Variants in GNS observed in about 807,000 individuals in gnomAD.
The protein encoded by GNS is N-acetylglucosamine-6-sulfatase.
GNS carries 40 observed loss-of-function variants against 69.7 expected under a neutral mutation model. That is an observed-to-expected ratio of 0.57 (90% CI 0.45 to 0.75). GNS has a LOEUF of 0.75. GNS is among the 30% of genes least tolerant of loss of function. The pLI, the probability that GNS is intolerant of heterozygous loss-of-function variation, is 0.00. For missense variants in GNS, 565 were observed against 685.5 expected (o/e 0.82, Z 1.96); for synonymous variants, 243 against 251.6 (o/e 0.97, Z 0.32).
At chr12:64,723,200 G>A (rs958235094) in intron 10 of GNS, 87 bp from the exon 11 acceptor site, 3 of 822,784 alleles carry the variant, frequency 3.6e-6, no homozygotes, top group South Asian at 1.4e-5. Context: ...GGGGACCTGG[G>A]AGTCAAAAGT....
At chr12:64,759,054 T>C (rs1484581430) in intron 1 of GNS, 31 bp downstream of exon 1, 5 of 1,523,302 alleles carry the variant, frequency 3.3e-6, no homozygotes, top group Non-Finnish European at 4.5e-6. Flanking sequence ...GCCCAAGAGA[T>C]AGAGGGGCGG....
At chr12:64,717,854 A>G (rs1868914715) in intron 13 of GNS, among the ~76,000 whole-genome samples, 1 of 152,328 alleles carries the variant, frequency 6.6e-6, no homozygotes, top group East Asian at 1.9e-4. Context: ...TGGGCCTGGC[A>G]CTATCCTTGG....
rs536592510 is a variant in GNS, at chr12:64,752,098, G to A, written c.252+600C>T. ...ATAAATGGGGAGGAAGAGGGCCAGAGAGGTTAAATAGTTTGTCCAAGGTCA... is the reference window on the plus strand; with the variant it reads ...ATAAATGGGGAGGAAGAGGGCCAGAAAGGTTAAATAGTTTGTCCAAGGTCA... On this transcript the variant is annotated intron_variant, in intron 2 of 13. Transcript: ENST00000258145. 2.9e-5 allele frequency among the ~76,000 whole-genome samples: 3 copies of A among 104,146 alleles called. No homozygotes were observed. The East Asian group carries it at 2.6e-3, about 92-fold the overall frequency. 68.3% of individuals were successfully genotyped at this position (104,146 alleles called of 152,430 possible).
chr12:64,733,062 C>A (rs947240148), intron 9 of GNS, among the ~76,000 whole-genome samples: 4 of 151,752 alleles, frequency 2.6e-5, no homozygotes, highest in Admixed American at 6.6e-5. Context: ...ATTGCTTGAG[C>A]CCAGGTGTTC....
intron 9 of GNS, among the ~76,000 whole-genome samples, chr12:64,736,396 T>C (rs1390098717): frequency 1.3e-5 from 2 of 152,192 alleles, no homozygotes; most frequent in Non-Finnish European, 2.9e-5. Context: ...AGACATGTTT[T>C]TGATAGCCTT....
intron 10 of GNS, among the ~76,000 whole-genome samples, chr12:64,724,448 C>T (rs1012313899): frequency 3.3e-5 from 5 of 152,170 alleles, no homozygotes; most frequent in Non-Finnish European, 7.3e-5. Flanking sequence ...GCCGCAGCCA[C>T]CTGAAAAGGA....
At chr12:64,719,028 AAC>A (rs1868944856) in intron 13 of GNS, among the ~76,000 whole-genome samples, 2 of 152,322 alleles carry the variant, frequency 1.3e-5, no homozygotes, top group South Asian at 2.1e-4. Context: ...TCCATATAAA[AAC>A]AGTTATTTCA....
chr12:64,737,635 T>C (rs550422488), intron 8 of GNS, among the ~76,000 whole-genome samples: 1 of 152,138 alleles, frequency 6.6e-6, no homozygotes, highest in Non-Finnish European at 1.5e-5. Flanking sequence ...CAATCATCAA[T>C]GGAACAACAG....
intron 10 of GNS, among the ~76,000 whole-genome samples, chr12:64,726,056 T>G (rs1251765966): frequency 6.7e-6 from 1 of 149,604 alleles, no homozygotes; most frequent in African/African-American, 2.5e-5. Flanking sequence ...GTATAAGACT[T>G]GTATGAAAAG....
At chr12:64,733,505 G>C (rs1246290005) in intron 9 of GNS, among the ~76,000 whole-genome samples, 9 of 151,912 alleles carry the variant, frequency 5.9e-5, no homozygotes, top group Non-Finnish European at 1.2e-4. Flanking sequence ...CAAAGAAAAG[G>C]CTCCAAACAT....
chr12:64,752,833 G>T, intron 1 of GNS, 76 bp from the exon 2 acceptor site: 1 of 784,846 alleles, frequency 1.3e-6, no homozygotes, highest in Non-Finnish European at 2.3e-6. Flanking sequence ...TTCCTGTTTT[G>T]TTACATCTTA....
rs1321667932 is a variant in GNS, at chr12:64,714,774, TC to T, written c.*1966del. The T allele has an allele frequency of 2.0e-5, 3 of 152,374 alleles. No individual in the cohort carries two copies. Among genetic ancestry groups the T allele is most frequent in the African/African-American group, 7.2e-5 (3 of 41,456 alleles). The allele number at this position is 152,374 out of a possible 1,614,324, so 9.4% of individuals were successfully genotyped here. ...ATTTGGAAATAACTATGGTCAACTT[TC>T]ATTAATGTGGAAGTTGACTGATAAT... On this transcript the variant is annotated 3_prime_UTR_variant, in exon 14 of 14. Coordinates refer to ENST00000258145, the MANE Select transcript of GNS (RefSeq NM_002076.4).
intron 12 of GNS, among the ~76,000 whole-genome samples, chr12:64,721,185 T>G (rs537804826): frequency 1.2e-4 from 19 of 152,356 alleles, no homozygotes; most frequent in African/African-American, 4.3e-4. Context: ...GATGGACTCC[T>G]GGGCCTCTGA....
intron 11 of GNS, 184 bp downstream of exon 11, chr12:64,722,822 G>A: frequency 1.6e-6 from 1 of 608,548 alleles, no homozygotes; most frequent in Non-Finnish European, 3.0e-6. Context: ...ACATTCTGAT[G>A]ACAGGTCAGC....
At chr12:64,722,810 G>A (rs1869074885) in intron 11 of GNS, 196 bp downstream of exon 11, 1 of 591,346 alleles carries the variant, frequency 1.7e-6, no homozygotes, top group Middle Eastern at 4.6e-4. Context: ...GATTAACAGT[G>A]CACATTCTGA....
chr12:64,738,885 T>A (rs1433926361), intron 8 of GNS, among the ~76,000 whole-genome samples: 1 of 151,856 alleles, frequency 6.6e-6, no homozygotes, highest in African/African-American at 2.4e-5. Flanking sequence ...CAAGCAAGTC[T>A]CAAGTGAATC....
intron 6 of GNS, among the ~76,000 whole-genome samples, chr12:64,742,096 C>A (rs780823561): frequency 6.6e-6 from 1 of 152,104 alleles, no homozygotes; most frequent in African/African-American, 2.4e-5. Context: ...TCTCGGCTCA[C>A]GGCAAGCTCC....
chr12:64,734,573 T>C (rs1226483018), intron 9 of GNS, among the ~76,000 whole-genome samples: 1 of 152,194 alleles, frequency 6.6e-6, no homozygotes, highest in Non-Finnish European at 1.5e-5. Flanking sequence ...GAAGGTCCGC[T>C]TAGGAAGTAC....
At chr12:64,725,215 T>C (rs920246486) in intron 10 of GNS, among the ~76,000 whole-genome samples, 1 of 152,208 alleles carries the variant, frequency 6.6e-6, no homozygotes, top group African/African-American at 2.4e-5. Flanking sequence ...ACTTTTTTTG[T>C]AAAAGGCCAC....
Sources: allele counts gnomAD v4.1 joint callset (sites outside exome capture counted in the v4.1 genomes callset), GRCh38; gene constraint gnomAD v4.1.1; transcripts MANE v1.5; gene names NCBI Gene and HGNC (gene_info 2026-07-23, HGNC 2026-07-21).